NUFIP2: variants seen among roughly 807,000 people sequenced by gnomAD.
The protein encoded by NUFIP2 is nuclear FMR1 interacting protein 2.
In NUFIP2, 6 loss-of-function variants were observed where a neutral mutation model predicts 56.9. That is an observed-to-expected ratio of 0.11 (90% CI 0.06 to 0.21). The LOEUF (loss-of-function observed/expected upper bound fraction) is 0.21, where lower values mean the gene tolerates loss of function less well. NUFIP2 is among the 10% of genes least tolerant of loss of function. NUFIP2 has a pLI of 1.00. For synonymous variants in NUFIP2, 321 were observed against 298.2 expected, an observed-to-expected ratio of 1.08 and a Z score of -0.79; for missense variants, 828 against 826.8, an observed-to-expected ratio of 1.00 and a Z score of -0.02.
intron 2 of NUFIP2, among the ~76,000 whole-genome samples, chr17:29,276,829 G>A (rs531369961): frequency 1.5e-4 from 23 of 152,206 alleles, no homozygotes; most frequent in African/African-American, 5.3e-4. Flanking sequence ...AACAGTATTA[G>A]GCAGACCCAT....
At chr17:29,270,825 AAAAG>A (rs998614499) in intron 2 of NUFIP2, among the ~76,000 whole-genome samples, 14 of 151,950 alleles carry the variant, frequency 9.2e-5, no homozygotes, top group African/African-American at 1.7e-4. Flanking sequence ...TAAATAAGAA[AAAAG>A]AAAGAAAAGA....
chr17:29,292,452 G>A, intron 1 of NUFIP2, among the ~76,000 whole-genome samples: 2 of 151,326 alleles, frequency 1.3e-5, no homozygotes, highest in East Asian at 1.9e-4. Flanking sequence ...GAAGGAAAAG[G>A]CCCAAGTGAA....
intron 2 of NUFIP2, among the ~76,000 whole-genome samples, chr17:29,280,604 T>C (rs1211497931): frequency 6.6e-6 from 1 of 151,832 alleles, no homozygotes; most frequent in Non-Finnish European, 1.5e-5. Flanking sequence ...GAGGATTCCT[T>C]AAGCCCAGGA....
Position 29,260,962 on chromosome 17 carries a change from C to G in NUFIP2, c.*3577G>C, listed in dbSNP as rs972345204. ...GAGGAAGGGCTGGCTACCACAGACG[C>G]TGTAAATACACTTTATGTGAAGGTT... On this transcript the variant is annotated 3_prime_UTR_variant, in exon 4 of 4. Coordinates refer to ENST00000225388, the MANE Select transcript of NUFIP2 (RefSeq NM_020772.3). 1 of 152,070 alleles carries G rather than the reference C, an allele frequency of 6.6e-6. No individual in the cohort carries two copies. Among genetic ancestry groups the G allele is most frequent in the African/African-American group, 2.4e-5 (1 of 41,418 alleles). 9.4% of individuals were successfully genotyped at this position (152,070 alleles called of 1,614,324 possible).
At chr17:29,279,167 G>A (rs1231638631) in intron 2 of NUFIP2, among the ~76,000 whole-genome samples, 1 of 152,142 alleles carries the variant, frequency 6.6e-6, no homozygotes, top group Non-Finnish European at 1.5e-5. Context: ...TTCACATTGT[G>A]TTTAGAAGAG....
At chr17:29,288,335 C>G (rs561219326) in intron 1 of NUFIP2, among the ~76,000 whole-genome samples, 1 of 152,356 alleles carries the variant, frequency 6.6e-6, no homozygotes, top group East Asian at 1.9e-4. Context: ...GTGAGCCACA[C>G]GCCCGGCCTA....
intron 2 of NUFIP2, among the ~76,000 whole-genome samples, chr17:29,268,813 G>A (rs2069054577): frequency 6.6e-6 from 1 of 152,016 alleles, no homozygotes; most frequent in African/African-American, 2.4e-5. Flanking sequence ...ACAAGCATCA[G>A]CCACCACACC....
At chr17:29,289,743 T>G (rs976857535) in intron 1 of NUFIP2, among the ~76,000 whole-genome samples, 2 of 152,152 alleles carry the variant, frequency 1.3e-5, no homozygotes, top group South Asian at 2.1e-4. Flanking sequence ...GTCTATTAGA[T>G]TCACAACAGG....
intron 3 of NUFIP2, among the ~76,000 whole-genome samples, 184 bp from the exon 4 acceptor site, chr17:29,264,775 T>C (rs2069024692): frequency 6.6e-6 from 1 of 152,166 alleles, no homozygotes; most frequent in Non-Finnish European, 1.5e-5. Flanking sequence ...GAAGTAGCTA[T>C]TTGGAATTCC....
Position 29,264,576 on chromosome 17 carries a change from AT to A in NUFIP2, c.2050del (p.Ile684SerfsTer26). 1 of 1,603,710 alleles carries A rather than the reference AT, an allele frequency of 6.2e-7. No individual in the cohort carries two copies. The highest frequency in any genetic ancestry group is 8.5e-7 in the Non-Finnish European group (1 of 1,170,984). The part of the protein sequence containing the change: ...NLQKQDPKRI[I>X]TYNEAMDSPD... ...ACTATCCATGGCTTCATTGTAAGTG[AT>A]TATCCTTTTGGGATCTAGAAAGGTT... is the stretch of plus-strand genomic sequence containing the variant. On this transcript the variant is annotated frameshift_variant, in exon 4 of 4. Transcript: ENST00000225388. LOFTEE classifies it high-confidence loss of function.
intron 2 of NUFIP2, among the ~76,000 whole-genome samples, chr17:29,285,281 G>A (rs1165281283): frequency 2.0e-5 from 3 of 149,432 alleles, no homozygotes; most frequent in Non-Finnish European, 4.4e-5. Context: ...GCCTGGGTGA[G>A]AGAGTGAGAC....
At chr17:29,281,222 G>A (rs1416112606) in intron 2 of NUFIP2, among the ~76,000 whole-genome samples, 1 of 152,158 alleles carries the variant, frequency 6.6e-6, no homozygotes, top group African/African-American at 2.4e-5. Flanking sequence ...TAGGGAGGCT[G>A]AGGCAGGAGA....
chr17:29,265,305 ATTT>A (rs66549012), intron 3 of NUFIP2, among the ~76,000 whole-genome samples: 2 of 135,654 alleles, frequency 1.5e-5, no homozygotes, highest in Admixed American at 7.3e-5. Context: ...ATTTTATTTT[ATTT>A]TTTTTTTTTT....
chr17:29,275,137 G>GC (rs942953596), intron 2 of NUFIP2, among the ~76,000 whole-genome samples: 58 of 151,398 alleles, frequency 3.8e-4, no homozygotes, highest in African/African-American at 8.0e-4. Flanking sequence ...TCCTGCCTCA[G>GC]CCCCCCCCAA....
At chr17:29,283,724 T>C (rs908158309) in intron 2 of NUFIP2, among the ~76,000 whole-genome samples, 1 of 152,136 alleles carries the variant, frequency 6.6e-6, no homozygotes, top group African/African-American at 2.4e-5. Context: ...CAGAAAACAA[T>C]ACCAAAAAAC....
At chr17:29,277,643 C>G (rs935141093) in intron 2 of NUFIP2, among the ~76,000 whole-genome samples, 3 of 152,130 alleles carry the variant, frequency 2.0e-5, no homozygotes, top group African/African-American at 7.2e-5. Context: ...CATACTTGTG[C>G]CTATTCTTTT....
In NUFIP2 at chr17:29,263,763, C is replaced by T. The variant is rs1051905954; in HGVS notation, c.*776G>A. On this transcript the variant is annotated 3_prime_UTR_variant, in exon 4 of 4. Transcript: ENST00000225388. ...CTGCAACTTTTCTTTAAATGACACG[C>T]ATAGATTCTTCAGTTGTTAAAGTCC... The T allele has an allele frequency of 6.6e-6, 1 of 152,558 alleles. No individual in the cohort carries two copies. Among genetic ancestry groups the T allele is most frequent in the Non-Finnish European group, 1.5e-5 (1 of 68,036 alleles). 9.5% of individuals were successfully genotyped at this position (152,558 alleles called of 1,614,324 possible).
At position 29,257,268 on chromosome 17, in the gene NUFIP2, G is replaced by A. The variant is rs1404588461; in HGVS notation, c.*7271C>T. ...TGTAACTTTGAGCCAAGTTTCCAAA[G>A]ATGGTAAAGCTAACAACAGCAAAGT... On this transcript the variant is annotated 3_prime_UTR_variant, in exon 4 of 4. Transcript: ENST00000225388. 2 of 152,188 alleles carry A rather than the reference G, an allele frequency of 1.3e-5. No individual in the cohort carries two copies. The highest frequency in any genetic ancestry group is 4.8e-5 in the African/African-American group (2 of 41,462). 9.4% of individuals were successfully genotyped at this position (152,188 alleles called of 1,614,324 possible).
chr17:29,285,281 G>C (rs1165281283), intron 2 of NUFIP2, among the ~76,000 whole-genome samples: 1 of 149,432 alleles, frequency 6.7e-6, no homozygotes, highest in Non-Finnish European at 1.5e-5. Context: ...GCCTGGGTGA[G>C]AGAGTGAGAC....
Sources: allele counts gnomAD v4.1 joint callset (sites outside exome capture counted in the v4.1 genomes callset), GRCh38; gene constraint gnomAD v4.1.1; transcripts MANE v1.5; gene names NCBI Gene and HGNC (gene_info 2026-07-23, HGNC 2026-07-21).